The following KLF13 variants were observed in gnomAD, a reference collection of about 807,000 sequenced individuals.
The protein encoded by KLF13 is Krueppel-like factor 13.
Under a neutral mutation model 16.7 loss-of-function variants are expected in KLF13, and 8 were observed. The observed-to-expected ratio is 0.48, with a 90% CI of 0.28 to 0.87. KLF13 has a LOEUF of 0.87. Among genes scored for constraint, KLF13 ranks in the 40% least tolerant of loss-of-function variants. The pLI is 0.10. For synonymous variants in KLF13, 245 were observed against 208.4 expected, an observed-to-expected ratio of 1.18 and a Z score of -1.51; for missense variants, 447 against 452.2, an observed-to-expected ratio of 0.99 and a Z score of 0.10.
At chr15:31,332,444 G>A (rs1426260902) in intron 1 of KLF13, among the ~76,000 whole-genome samples, 1 of 152,252 alleles carries the variant, frequency 6.6e-6, no homozygotes, top group Admixed American at 6.5e-5. Flanking sequence ...ATTGGAAAGT[G>A]TGTGGTGGGC....
intron 2 of KLF13, among the ~76,000 whole-genome samples, chr15:31,395,709 G>A (rs1482525206): frequency 6.6e-6 from 1 of 151,996 alleles, no homozygotes; most frequent in Non-Finnish European, 1.5e-5. Context: ...ACCTTATTGT[G>A]GTTTTGATTT....
chr15:31,388,605 C>CAAAA (rs5811640), upstream of KLF13, among the ~76,000 whole-genome samples: 1 of 92,362 alleles, frequency 1.1e-5, no homozygotes, highest in East Asian at 3.0e-4. Flanking sequence ...AACTCTGTCT[C>CAAAA]AAAAAAAAAA....
At chr15:31,360,855 C>T (rs944027787) in intron 1 of KLF13, among the ~76,000 whole-genome samples, 11 of 152,214 alleles carry the variant, frequency 7.2e-5, no homozygotes, top group African/African-American at 2.2e-4. Context: ...CTGCTGGAAA[C>T]CTTGCCACAT....
intron 2 of KLF13, among the ~76,000 whole-genome samples, chr15:31,397,883 T>C (rs961639786): frequency 3.1e-5 from 4 of 128,076 alleles, no homozygotes; most frequent in East Asian, 2.4e-4. Flanking sequence ...GCGGGGGGGG[T>C]GGTGATCCAC....
intron 1 of KLF13, among the ~76,000 whole-genome samples, chr15:31,385,641 T>C (rs2039787191): frequency 6.6e-6 from 1 of 152,248 alleles, no homozygotes; most frequent in Non-Finnish European, 1.5e-5. Flanking sequence ...ATGAACCACT[T>C]CCATATAAGA....
intron 1 of KLF13, among the ~76,000 whole-genome samples, chr15:31,358,725 C>T (rs1345191489): frequency 1.3e-5 from 2 of 152,260 alleles, no homozygotes; most frequent in Non-Finnish European, 2.9e-5. Context: ...ATTCCAACCT[C>T]ATATTCCTGT....
At chr15:31,382,198 G>C (rs556208959), downstream of KLF13, among the ~76,000 whole-genome samples, 1 of 152,336 alleles carries the variant, frequency 6.6e-6, no homozygotes, top group African/African-American at 2.4e-5. Context: ...ACAGAGGAAG[G>C]CTGTCCCACA....
chr15:31,337,603 C>G (rs972594734), intron 1 of KLF13, among the ~76,000 whole-genome samples: 1 of 152,212 alleles, frequency 6.6e-6, no homozygotes, highest in African/African-American at 2.4e-5. Context: ...TACTGCACAC[C>G]TAGGCTGTAT....
chr15:31,404,772 T>C (rs937676347), downstream of KLF13: 1 of 152,392 alleles, frequency 6.6e-6, no homozygotes, highest in African/African-American at 2.4e-5. Flanking sequence ...TAACACTCAC[T>C]GTGAAGGTCC....
chr15:31,421,568 A>G (rs1271538839), intron 1 of KLF13, among the ~76,000 whole-genome samples: 2 of 152,192 alleles, frequency 1.3e-5, no homozygotes, highest in East Asian at 3.8e-4. Context: ...GTCAGCTTAA[A>G]ATAAATGGCT....
At chr15:31,329,308 C>T (rs2038784572) in intron 1 of KLF13, among the ~76,000 whole-genome samples, 1 of 100,140 alleles carries the variant, frequency 1.0e-5, no homozygotes, top group Non-Finnish European at 1.9e-5. Context: ...AGCTCGGCTC[C>T]AGGTGGATCC....
intron 1 of KLF13, among the ~76,000 whole-genome samples, chr15:31,329,122 A>T (rs952819001): frequency 6.6e-6 from 1 of 151,854 alleles, no homozygotes; most frequent in Non-Finnish European, 1.5e-5. Flanking sequence ...GGCCGCTCCA[A>T]ACCACGTGGC....
At chr15:31,366,120 C>T (rs576541042) in intron 1 of KLF13, 10 of 152,020 alleles carry the variant, frequency 6.6e-5, no homozygotes, top group South Asian at 4.1e-4. Flanking sequence ...CCACTCTCCC[C>T]GCAACTGCAT....
At chr15:31,423,361 G>T (rs990494986) in intron 1 of KLF13, among the ~76,000 whole-genome samples, 1 of 151,620 alleles carries the variant, frequency 6.6e-6, no homozygotes, top group Non-Finnish European at 1.5e-5. Flanking sequence ...GCCGGGTGCT[G>T]TGGCTCACGT....
In KLF13 at chr15:31,423,164, T is replaced by TAC. The variant is rs371896440; in HGVS notation, n.118-12206_118-12205insAC. Among the ~76,000 whole-genome samples, 17 of 25,364 alleles carry TAC rather than the reference T, an allele frequency of 6.7e-4. 2 individuals carry two copies. The highest frequency in any genetic ancestry group is 5.0e-3 in the African/African-American group (14 of 2,796). The allele number at this position is 25,364 out of a possible 152,430, so 16.6% of individuals were successfully genotyped here. A position where few individuals can be genotyped will look rare whatever the true frequency, so the allele number is the denominator to read the frequency against. ...GTATACGTATATATACGTATATATA[T>TAC]GTATATATATACATATATACGTATA... is the stretch of plus-strand genomic sequence containing the variant. On this transcript the variant is annotated intron_variant and non_coding_transcript_variant, in intron 1 of 1. Transcript: ENST00000558225.
At chr15:31,378,088 C>T (rs1017320527), downstream of KLF13, among the ~76,000 whole-genome samples, 7 of 152,130 alleles carry the variant, frequency 4.6e-5, no homozygotes, top group African/African-American at 1.7e-4. Context: ...GCTCTTCTGG[C>T]TTCCCCTCCT....
intron 1 of KLF13, among the ~76,000 whole-genome samples, chr15:31,340,965 G>A (rs2039012825): frequency 6.6e-6 from 1 of 152,186 alleles, no homozygotes; most frequent in South Asian, 2.1e-4. Flanking sequence ...GAGTTTCACG[G>A]GAGACCCAGC....
At chr15:31,383,925 A>T (rs528308585) in intron 1 of KLF13, among the ~76,000 whole-genome samples, 56 of 76,190 alleles carry the variant, frequency 7.4e-4, no homozygotes, top group African/African-American at 3.9e-3. Context: ...ATAAATAAAT[A>T]AAATAAAATA....
intron 1 of KLF13, among the ~76,000 whole-genome samples, chr15:31,344,139 C>A (rs10851532): frequency 6.6e-6 from 1 of 152,058 alleles, no homozygotes; most frequent in Non-Finnish European, 1.5e-5. Context: ...GCTAGCGCTG[C>A]GCACCCACAC....
Sources: allele counts gnomAD v4.1 joint callset (sites outside exome capture counted in the v4.1 genomes callset), GRCh38; gene constraint gnomAD v4.1.1; transcripts MANE v1.5; gene names NCBI Gene and HGNC (gene_info 2026-07-23, HGNC 2026-07-21).